Variants in DLG2 observed in about 807,000 individuals in gnomAD.
DLG2 encodes the protein disks large homolog 2.
DLG2 carries 45 observed loss-of-function variants against 132.5 expected under a neutral mutation model. The ratio of observed to expected loss-of-function variants is 0.34; its 90% CI spans 0.27 to 0.44. DLG2 has a LOEUF of 0.44. DLG2 is among the 20% of genes least tolerant of loss of function. DLG2 has a pLI of 1.00. For missense variants in DLG2, 1,045 were observed against 1,196.9 expected (o/e 0.87, Z 1.87); for synonymous variants, 424 against 419.6 (o/e 1.01, Z -0.13).
intron 6 of DLG2, among the ~76,000 whole-genome samples, chr11:84,825,223 T>C (rs997240379): frequency 6.6e-6 from 1 of 151,848 alleles, no homozygotes; most frequent in South Asian, 2.1e-4. Context: ...AATGTCAGCT[T>C]AATGCTCACA....
intron 10 of DLG2, among the ~76,000 whole-genome samples, chr11:84,071,048 T>C (rs921626952): frequency 3.3e-5 from 5 of 152,206 alleles, no homozygotes; most frequent in African/African-American, 1.2e-4. Context: ...CATTTTAACA[T>C]ATTTTTATTT....
intron 6 of DLG2, among the ~76,000 whole-genome samples, chr11:84,673,541 T>A (rs1306345927): frequency 6.6e-6 from 1 of 151,158 alleles, no homozygotes; most frequent in Non-Finnish European, 1.5e-5. Flanking sequence ...CTGGATTATT[T>A]GGATTAGGTG....
At chr11:85,353,448 G>C (rs1011240342) in intron 3 of DLG2, among the ~76,000 whole-genome samples, 1 of 152,156 alleles carries the variant, frequency 6.6e-6, no homozygotes, top group African/African-American at 2.4e-5. Context: ...CAAGGATCTA[G>C]AACTAGAAAT....
chr11:85,462,361 T>C (rs1307779113), intron 3 of DLG2, among the ~76,000 whole-genome samples: 2 of 152,240 alleles, frequency 1.3e-5, no homozygotes, highest in African/African-American at 4.8e-5. Context: ...CATATGTTTA[T>C]TGTGGCACTA....
intron 15 of DLG2, among the ~76,000 whole-genome samples, chr11:83,899,122 A>C (rs2072666141): frequency 6.6e-6 from 1 of 152,148 alleles, no homozygotes; most frequent in Non-Finnish European, 1.5e-5. Context: ...AAAGGTAATC[A>C]TCTTTGAATA....
At chr11:85,218,405 G>A (rs904683442) in intron 4 of DLG2, among the ~76,000 whole-genome samples, 1 of 151,966 alleles carries the variant, frequency 6.6e-6, no homozygotes, top group Admixed American at 6.6e-5. Flanking sequence ...ATGAGCAAAG[G>A]ATATCAACAG....
At chr11:85,565,569 G>C (rs2077484977) in intron 3 of DLG2, among the ~76,000 whole-genome samples, 1 of 151,976 alleles carries the variant, frequency 6.6e-6, no homozygotes, top group Non-Finnish European at 1.5e-5. Flanking sequence ...CTATAGATTT[G>C]CCTACAGCAG....
chr11:83,660,271 G>C (rs563566091), intron 18 of DLG2, among the ~76,000 whole-genome samples: 2 of 152,198 alleles, frequency 1.3e-5, no homozygotes, highest in Non-Finnish European at 2.9e-5. Context: ...TAATCTGAAA[G>C]ATTCTGTGAC....
At chr11:84,823,123 A>G (rs1003481716) in intron 6 of DLG2, among the ~76,000 whole-genome samples, 5 of 151,914 alleles carry the variant, frequency 3.3e-5, no homozygotes, top group African/African-American at 1.2e-4. Context: ...AAGGTGTTCA[A>G]TAAACACTCA....
intron 11 of DLG2, among the ~76,000 whole-genome samples, chr11:84,040,712 T>A (rs1333342624): frequency 2.7e-5 from 4 of 150,598 alleles, no homozygotes; most frequent in African/African-American, 9.7e-5. Flanking sequence ...GGGCTCTTTT[T>A]TGGTTCCATA....
intron 19 of DLG2, among the ~76,000 whole-genome samples, chr11:83,544,106 C>T (rs2096169598): frequency 6.6e-6 from 1 of 152,170 alleles, no homozygotes; most frequent in South Asian, 2.1e-4. Context: ...CACCTGTTGT[C>T]GCAATTTGTT....
At chr11:84,161,470 A>C (rs1477502581) in intron 9 of DLG2, among the ~76,000 whole-genome samples, 1 of 152,202 alleles carries the variant, frequency 6.6e-6, no homozygotes, top group Non-Finnish European at 1.5e-5. Context: ...TGGCAGTAAC[A>C]AAGTTCAGAG....
intron 7 of DLG2, among the ~76,000 whole-genome samples, chr11:84,282,197 CACA>C (rs1341263230): frequency 6.6e-6 from 1 of 152,098 alleles, no homozygotes; most frequent in Non-Finnish European, 1.5e-5. Flanking sequence ...GAAATATTGA[CACA>C]TGCAAAAACA....
At chr11:83,772,470 A>C (rs971955933) in intron 18 of DLG2, among the ~76,000 whole-genome samples, 1 of 132,494 alleles carries the variant, frequency 7.5e-6, no homozygotes, top group Admixed American at 7.5e-5. Flanking sequence ...GGGAGGGAGG[A>C]AGGAAGGAAG....
At chr11:83,727,478 T>C (rs2090228999) in intron 18 of DLG2, among the ~76,000 whole-genome samples, 2 of 152,204 alleles carry the variant, frequency 1.3e-5, no homozygotes, top group African/African-American at 4.8e-5. Context: ...GCCCTTGGAC[T>C]GTGAGTAATG....
At chr11:84,124,847 C>T (rs1348046158) in intron 9 of DLG2, among the ~76,000 whole-genome samples, 5 of 121,216 alleles carry the variant, frequency 4.1e-5, no homozygotes, top group South Asian at 5.2e-4. Flanking sequence ...CTTGTTTTCA[C>T]TTTTTTTTTT....
intron 14 of DLG2, among the ~76,000 whole-genome samples, chr11:83,958,974 T>A (rs1449577730): frequency 6.6e-6 from 1 of 152,114 alleles, no homozygotes; most frequent in African/African-American, 2.4e-5. Context: ...TTATGGCCCT[T>A]TCTATTCTGA....
chr11:84,431,659 C>G (rs1052818465), intron 7 of DLG2, among the ~76,000 whole-genome samples: 2 of 151,930 alleles, frequency 1.3e-5, no homozygotes, highest in African/African-American at 4.8e-5. Context: ...CCATATAATA[C>G]TCTGTATGAA....
chr11:85,238,144 T>C (rs1281923799), intron 4 of DLG2, among the ~76,000 whole-genome samples: 1 of 151,736 alleles, frequency 6.6e-6, no homozygotes, highest in African/African-American at 2.4e-5. Flanking sequence ...ACTCATCTGC[T>C]GCCTATTGGT....
Sources: allele counts gnomAD v4.1 joint callset (sites outside exome capture counted in the v4.1 genomes callset), GRCh38; gene constraint gnomAD v4.1.1; transcripts MANE v1.5; gene names NCBI Gene and HGNC (gene_info 2026-07-23, HGNC 2026-07-21).